The following PKN3 variants were observed in gnomAD, a reference collection of about 807,000 sequenced individuals.
PKN3 encodes the protein protein kinase N3.
PKN3 carries 91 observed loss-of-function variants against 113.1 expected under a neutral mutation model. The ratio of observed to expected loss-of-function variants is 0.80; its 90% CI spans 0.68 to 0.96. PKN3 has a LOEUF of 0.96. PKN3 is among the 40% of genes least tolerant of loss of function. The pLI is 0.00. For synonymous variants in PKN3, 467 were observed against 499.0 expected (o/e 0.94, Z 0.85); for missense variants, 1,052 against 1,202.2 (o/e 0.88, Z 1.85).
At chr9:128,705,685 G>A (rs1479719411) in intron 2 of PKN3, 49 bp from the exon 3 acceptor site, 1 of 1,551,614 alleles carries the variant, frequency 6.4e-7, no homozygotes, top group South Asian at 1.2e-5. Context: ...CACAGTGGGG[G>A]TCTCGGCTCT....
intron 16 of PKN3, 143 bp downstream of exon 16, chr9:128,717,066 G>A: frequency 2.0e-6 from 1 of 508,066 alleles, no homozygotes; most frequent in Non-Finnish European, 3.5e-6. Context: ...GGCACCAACT[G>A]ACAGCATTTG....
chr9:128,714,993 C>T (rs1862298646), intron 13 of PKN3, 128 bp downstream of exon 13: 4 of 1,088,256 alleles, frequency 3.7e-6, no homozygotes, highest in Non-Finnish European at 5.6e-6. Context: ...GTCTGATTTA[C>T]TAAACCCACA....
In PKN3 at chr9:128,718,055, T is replaced by C. The variant is rs56746332; in HGVS notation, c.1986-270T>C. Reference sequence around the variant, plus strand: ...GTCTCAAAAAAAAAAAAAATAGGCATGATGAATATCCACTGCAGGGACCAA... The same window carrying C: ...GTCTCAAAAAAAAAAAAAATAGGCACGATGAATATCCACTGCAGGGACCAA... On this transcript the variant is annotated intron_variant, in intron 16 of 21. Transcript: ENST00000291906. 6.9e-3 allele frequency among the ~76,000 whole-genome samples: 1,037 copies of C among 149,270 alleles called. 10 individuals are homozygous for C. The highest frequency in any genetic ancestry group is 0.024 in the African/African-American group (983 of 40,850).
At chr9:128,719,396 G>A (rs1338492584) in intron 18 of PKN3, among the ~76,000 whole-genome samples, 2 of 148,362 alleles carry the variant, frequency 1.3e-5, no homozygotes, top group African/African-American at 5.0e-5. Context: ...TCACCATGTT[G>A]GCCAGGCTGG....
chr9:128,705,550 G>T lies in PKN3; in HGVS notation c.265+7G>T. 6.4e-7 allele frequency: 1 copy of T among 1,553,924 alleles called. No individual in the cohort carries two copies. The highest frequency in any genetic ancestry group is 2.4e-5 in the East Asian group (1 of 41,216). On this transcript the variant is annotated splice_region_variant and intron_variant, in intron 2 of 21. Transcript: ENST00000291906. ...CCTGGGCCTGGCCCAGCTGGTGAGT[G>T]AGGAGCTGAGACCCCCTCAGGACAG...
chr9:128,703,104 C>G (rs908641400), intron 1 of PKN3, among the ~76,000 whole-genome samples, 165 bp downstream of exon 1: 3 of 152,194 alleles, frequency 2.0e-5, no homozygotes, highest in Non-Finnish European at 2.9e-5. Context: ...CAGAGCAGAC[C>G]TGATCTCCGG....
chr9:128,711,643 G>C (rs1238732741), intron 6 of PKN3, among the ~76,000 whole-genome samples: 1 of 149,364 alleles, frequency 6.7e-6, no homozygotes, highest in Non-Finnish European at 1.5e-5. Flanking sequence ...TTGTCGCCCA[G>C]GCTGGAGTGC....
In PKN3 at chr9:128,720,465, G is replaced by A. The variant is rs141598296; in HGVS notation, c.2529G>A (p.Ala843=). The A allele has an allele frequency of 5.6e-6, 9 of 1,612,992 alleles. No individual in the cohort carries two copies. Among genetic ancestry groups the A allele is most frequent in the South Asian group, 1.1e-5 (1 of 91,084 alleles). The stretch of plus-strand genomic sequence containing the variant: ...TCGTGCCTACCCTGTGTGGCCCTGC[G>A]GACCTGCGCTACTTTGAGGGCGAGT... ...PPFVPTLCGP[A]DLRYFEGEFT... is the part of the protein sequence containing the mutation. Residue 843 remains alanine, a synonymous_variant, in exon 22 of 22, where the codon GCG becomes GCA. Transcript: ENST00000291906. The surrounding 1 kb of genome is among the most constrained non-coding windows in gnomAD (Gnocchi z 5.5).
At position 128,713,044 on chromosome 9, in the gene PKN3, C is replaced by T. The variant is rs773575644; in HGVS notation, c.836-8C>T. 5.6e-6 allele frequency: 9 copies of T among 1,594,940 alleles called. No individual in the cohort carries two copies. Among genetic ancestry groups the T allele is most frequent in the East Asian group, 2.2e-5 (1 of 44,450 alleles). ...TCTGACAACGCCCCCCGCTCACTCTCCCCACAGGGACACTGCAGGTCCGCC... is the reference window on the plus strand; with the variant it reads ...TCTGACAACGCCCCCCGCTCACTCTTCCCACAGGGACACTGCAGGTCCGCC... On this transcript the variant is annotated splice_region_variant and splice_polypyrimidine_tract_variant and intron_variant, in intron 6 of 21. Coordinates refer to ENST00000291906, the MANE Select transcript of PKN3 (RefSeq NM_013355.5).
chr9:128,714,881 C>T lies in PKN3; in HGVS notation c.1652+16C>T, dbSNP rs906809342. 3.7e-6 allele frequency: 6 copies of T among 1,609,888 alleles called. No homozygotes were observed. The African/African-American group carries it at 6.7e-5, about 18-fold the overall frequency. ...CCCCCACCAGGTACCCCATCCTGCG[C>T]ACCTTCATGTTTGAGACGTTCGTCT... On this transcript the variant is annotated intron_variant, in intron 13 of 21. Coordinates refer to ENST00000291906, the MANE Select transcript of PKN3 (RefSeq NM_013355.5).
intron 6 of PKN3, 76 bp downstream of exon 6, chr9:128,707,481 A>C: frequency 8.4e-7 from 1 of 1,192,896 alleles, no homozygotes; most frequent in Admixed American, 2.4e-5. Flanking sequence ...AACTCTGATG[A>C]AGAGTTCAAG....
intron 6 of PKN3, among the ~76,000 whole-genome samples, chr9:128,712,656 A>G (rs1862212802): frequency 6.6e-6 from 1 of 152,104 alleles, no homozygotes. Flanking sequence ...GTCTGAGCCT[A>G]TGTCCCTGCC....
intron 9 of PKN3, 90 bp from the exon 10 acceptor site, chr9:128,713,956 G>T: frequency 7.5e-7 from 1 of 1,330,152 alleles, no homozygotes; most frequent in Non-Finnish European, 1.1e-6. Flanking sequence ...TGACCCTGGG[G>T]GCTTGGGCTG....
At chr9:128,718,739 T>G in intron 18 of PKN3, 114 bp downstream of exon 18, 1 of 965,046 alleles carries the variant, frequency 1.0e-6, no homozygotes, top group Non-Finnish European at 1.6e-6. Flanking sequence ...GATGCCCTGG[T>G]TCCACCACCC....
intron 1 of PKN3, among the ~76,000 whole-genome samples, chr9:128,704,527 C>G (rs1861950784): frequency 6.6e-6 from 1 of 152,214 alleles, no homozygotes; most frequent in Non-Finnish European, 1.5e-5. Flanking sequence ...CCAGGGCTGC[C>G]AGGGACAGCT....
chr9:128,702,894 C>G lies in PKN3; in HGVS notation c.-22C>G. On this transcript the variant is annotated 5_prime_UTR_variant, in exon 1 of 22. Transcript: ENST00000291906. ...GGACCGGAGTGGCTGAGAGAAGGGCCCCAAGCGGCCGGAGCGGCGCCATGG... is the reference window on the plus strand; with the variant it reads ...GGACCGGAGTGGCTGAGAGAAGGGCGCCAAGCGGCCGGAGCGGCGCCATGG... 1 of 1,480,962 alleles carries G rather than the reference C, an allele frequency of 6.8e-7. No individual in the cohort carries two copies. Among genetic ancestry groups the G allele is most frequent in the South Asian group, 1.3e-5 (1 of 79,320 alleles). The allele number at this position is 1,480,962 out of a possible 1,614,324, so 91.7% of individuals were successfully genotyped here.
Position 128,720,689 on chromosome 9 carries a change from TC to T in PKN3, c.*85del. ...TTCACCCGTGCGCCCTGCCTGGAGG[TC>T]CAGGCCTTGCTGGGTACTTCTGAGC... On this transcript the variant is annotated 3_prime_UTR_variant, in exon 22 of 22. Coordinates refer to ENST00000291906, the MANE Select transcript of PKN3 (RefSeq NM_013355.5). This position sits in a 1 kb window ranked among gnomAD's most constrained non-coding sequence, Gnocchi z 5.5. 1.6e-6 allele frequency: 2 copies of T among 1,231,252 alleles called. No homozygotes were observed. The highest frequency in any genetic ancestry group is 1.1e-6 in the Non-Finnish European group (1 of 869,920). The allele number at this position is 1,231,252 out of a possible 1,614,324, so 76.3% of individuals were successfully genotyped here.
chr9:128,718,896 TGG>T (rs10547123), intron 18 of PKN3, among the ~76,000 whole-genome samples: 83,958 of 105,386 alleles, frequency 0.8, 35,009 homozygotes, highest in South Asian at 0.93. Flanking sequence ...GTTTTTTTTT[TGG>T]TTTGTTTTTT....
intron 13 of PKN3, 97 bp downstream of exon 13, chr9:128,714,962 G>T: frequency 7.9e-7 from 1 of 1,260,638 alleles, no homozygotes; most frequent in South Asian, 1.2e-5. Flanking sequence ...TCCCTGGCGG[G>T]TGCGCTGACT....
Sources: gnomAD v4.1 joint callset for allele counts (sites outside exome capture counted in the v4.1 genomes callset) on GRCh38, gnomAD v4.1.1 for gene constraint, Gnocchi (gnomAD v3.1) non-coding constraint, MANE v1.5 for transcripts, NCBI Gene and HGNC (gene_info 2026-07-23, HGNC 2026-07-21) for gene names.